PSD4: variants seen among roughly 807,000 people sequenced by gnomAD.
PSD4 encodes the protein pleckstrin and Sec7 domain containing 4, also known as PH and SEC7 domain-containing protein 4.
In PSD4, 59 loss-of-function variants were observed where a neutral mutation model predicts 112.5. The observed-to-expected ratio is 0.52, with a 90% CI of 0.43 to 0.65. The LOEUF (loss-of-function observed/expected upper bound fraction) is 0.65, where lower values mean the gene tolerates loss of function less well. Ranked by LOEUF, PSD4 falls within the 30% of genes least tolerant of loss-of-function variation. PSD4 has a pLI of 0.00. For missense variants in PSD4, 1,267 were observed against 1,352.6 expected (o/e 0.94, Z 0.99); for synonymous variants, 533 against 540.0 (o/e 0.99, Z 0.18).
intron 5 of PSD4, among the ~76,000 whole-genome samples, chr2:113,189,736 G>A (rs1688399710): frequency 6.6e-6 from 1 of 152,122 alleles, no homozygotes; most frequent in Non-Finnish European, 1.5e-5. Flanking sequence ...TTGCAGTGTG[G>A]TTTTGATTTG....
intron 5 of PSD4, among the ~76,000 whole-genome samples, chr2:113,188,718 C>T (rs935102670): frequency 1.7e-4 from 26 of 151,992 alleles, no homozygotes; most frequent in Middle Eastern, 3.4e-3. Context: ...GTAGCTGGGA[C>T]TACAGGCGCC....
chr2:113,192,644 TGCTGAAGG>T, intron 6 of PSD4, 55 bp downstream of exon 6: 2 of 1,570,270 alleles, frequency 1.3e-6, no homozygotes, highest in Non-Finnish European at 1.7e-6. Context: ...AGGGAGGAGC[TGCTGAAGG>T]GCTCCCTCCA....
rs1431992464 is a variant in PSD4, at chr2:113,202,220, C to A, written c.*805C>A. 6.6e-6 allele frequency: 1 copy of A among 152,482 alleles called. No homozygotes were observed. Among genetic ancestry groups the A allele is most frequent in the Non-Finnish European group, 1.5e-5 (1 of 68,262 alleles). The allele number at this position is 152,482 out of a possible 1,614,324, so 9.4% of individuals were successfully genotyped here. A position where few individuals can be genotyped will look rare whatever the true frequency, so the allele number is the denominator to read the frequency against. ...AGAGCTTTGCAGGGAACCCTGGAACCCTAGGAACAAGGAGCCTTTGTTCCA... is the reference window on the plus strand; with the variant it reads ...AGAGCTTTGCAGGGAACCCTGGAACACTAGGAACAAGGAGCCTTTGTTCCA... On this transcript the variant is annotated 3_prime_UTR_variant, in exon 17 of 17. Coordinates refer to ENST00000245796, the MANE Select transcript of PSD4 (RefSeq NM_012455.3).
At chr2:113,197,473 G>C (rs1688643250) in intron 12 of PSD4, 91 bp from the exon 13 acceptor site, 1 of 1,367,856 alleles carries the variant, frequency 7.3e-7, no homozygotes, top group African/African-American at 1.4e-5. Context: ...TGGTGTGAGG[G>C]ACAGGGGGCA....
In PSD4 at chr2:113,197,831, A is replaced by T; in HGVS notation, c.2542A>T (p.Thr848Ser). The change falls in exon 14 of 17, where the codon ACC becomes TCC. Residue 848 changes from threonine (T) to serine (S), a missense_variant. Thr to Ser is a moderately conservative substitution (Grantham distance 58). Coordinates refer to ENST00000245796, the MANE Select transcript of PSD4 (RefSeq NM_012455.3). The part of the protein sequence containing the change: ...EPVGVHHSLA[T>S]PATHYTKKPH... The stretch of plus-strand genomic sequence containing the variant: ...CGTGGGGGTGCACCACTCGCTGGCC[A>T]CCCCCGCCACGCATTACACCAAGAA... The T allele has an allele frequency of 6.3e-7, 1 of 1,596,384 alleles. No individual in the cohort carries two copies. The highest frequency in any genetic ancestry group is 8.5e-7 in the Non-Finnish European group (1 of 1,172,698).
At chr2:113,176,308 G>C (rs1276526608) in intron 1 of PSD4, among the ~76,000 whole-genome samples, 1 of 152,206 alleles carries the variant, frequency 6.6e-6, no homozygotes, top group Non-Finnish European at 1.5e-5. Context: ...CCGGGGGTGG[G>C]GCAGGTGGGA....
chr2:113,177,935 C>T (rs894293233), intron 1 of PSD4, among the ~76,000 whole-genome samples: 2 of 152,108 alleles, frequency 1.3e-5, no homozygotes, highest in Non-Finnish European at 2.9e-5. Flanking sequence ...AAGTCATAGC[C>T]GGCCAGGTGC....
Position 113,196,388 on chromosome 2 carries a change from G to A in PSD4, c.2386+81G>A, listed in dbSNP as rs865902496. On this transcript the variant is annotated intron_variant, in intron 12 of 16. Coordinates refer to ENST00000245796, the MANE Select transcript of PSD4 (RefSeq NM_012455.3). ...GACCTGTGCCGATGCATGCACAGGT[G>A]TGCAGAGAGACAGCCCGCGTTGAGG... The A allele has an allele frequency of 1.5e-5, 22 of 1,472,892 alleles. 1 individual carries two copies. In the Middle Eastern group the frequency reaches 1.7e-3, roughly 116 times the overall value. 91.2% of individuals were successfully genotyped at this position (1,472,892 alleles called of 1,614,324 possible).
intron 1 of PSD4, among the ~76,000 whole-genome samples, chr2:113,175,730 T>C (rs994196282): frequency 1.1e-4 from 17 of 152,278 alleles, no homozygotes; most frequent in African/African-American, 4.1e-4. Flanking sequence ...GGATGAAGGT[T>C]CAGGGCTGAC....
rs1327384425 is a variant in PSD4, at chr2:113,201,670, G to A, written c.*255G>A. 1 of 550,720 alleles carries A rather than the reference G, an allele frequency of 1.8e-6. No homozygotes were observed. Among genetic ancestry groups the A allele is most frequent in the Admixed American group, 3.3e-5 (1 of 30,250 alleles). The allele number at this position is 550,720 out of a possible 1,614,324, so 34.1% of individuals were successfully genotyped here. Reference sequence around the variant, plus strand: ...CCCTGGCCACGCCCAAGGGAAGAGGGAGGTGAGGACTTGACTTTCCTCCCA... The same window carrying A: ...CCCTGGCCACGCCCAAGGGAAGAGGAAGGTGAGGACTTGACTTTCCTCCCA... On this transcript the variant is annotated 3_prime_UTR_variant, in exon 17 of 17. Transcript: ENST00000245796.
Position 113,186,121 on chromosome 2 carries a change from A to T in PSD4, c.1494A>T (p.Glu498Asp). The T allele has an allele frequency of 6.2e-7, 1 of 1,614,234 alleles. No homozygotes were observed. Among genetic ancestry groups the T allele is most frequent in the Non-Finnish European group, 8.5e-7 (1 of 1,180,046 alleles). The change falls in exon 5 of 17, where the codon GAA (glutamate) becomes GAT (aspartate). Residue 498 changes from glutamate to aspartate, a missense_variant. Coordinates refer to ENST00000245796, the MANE Select transcript of PSD4 (RefSeq NM_012455.3). ...CTTCACTCTTGGAGACGGATGGGGA[A>T]CAGCCAAGTTCCTTGAAGAAAAAGG... Reference protein sequence around the residue: ...SQSSLLETDGEQPSSLKKKEA... With the variant: ...SQSSLLETDGDQPSSLKKKEA...
intron 5 of PSD4, among the ~76,000 whole-genome samples, chr2:113,190,212 A>C (rs576366743): frequency 6.6e-6 from 1 of 152,320 alleles, no homozygotes; most frequent in East Asian, 1.9e-4. Flanking sequence ...ATGAGGATCC[A>C]GTGTCATTCT....
Position 113,201,562 on chromosome 2 carries a change from C to A in PSD4, c.*147C>A. On this transcript the variant is annotated 3_prime_UTR_variant, in exon 17 of 17. Transcript: ENST00000245796. ...AAGGACAAACCTTGTTTCCCTGTGG[C>A]CCTCATTCTTGTGCTCCCTGAAGCT... The A allele has an allele frequency of 1.7e-6, 2 of 1,170,414 alleles. No individual in the cohort carries two copies. The highest frequency in any genetic ancestry group is 2.4e-6 in the Non-Finnish European group (2 of 842,184). 72.5% of individuals were successfully genotyped at this position (1,170,414 alleles called of 1,614,324 possible).
Position 113,201,247 on chromosome 2 carries a change from G to C in PSD4, c.3003G>C (p.Gly1001=), listed in dbSNP as rs1274472097. 6.2e-7 allele frequency: 1 copy of C among 1,614,170 alleles called. No homozygotes were observed. Among genetic ancestry groups the C allele is most frequent in the South Asian group, 1.1e-5 (1 of 91,082 alleles). ...TGGACCTGTGGGAGGAGCAGCTGGG[G>C]AGGGAAGCTGGAGGCACTCGGGAGC... ...DALDLWEEQL[G]REAGGTREPK... The change falls in exon 17 of 17, where the codon GGG becomes GGC. Residue 1001 remains glycine (G), a synonymous_variant. Coordinates refer to ENST00000245796, the MANE Select transcript of PSD4 (RefSeq NM_012455.3).
intron 9 of PSD4, 47 bp from the exon 10 acceptor site, chr2:113,193,812 T>G: frequency 3.1e-6 from 5 of 1,592,050 alleles, no homozygotes; most frequent in Non-Finnish European, 4.3e-6. Flanking sequence ...GTTATTCTAT[T>G]GGGATGGGGT....
At chr2:113,174,245 T>C (rs1687904485) in intron 1 of PSD4, among the ~76,000 whole-genome samples, 191 bp downstream of exon 1, 1 of 151,954 alleles carries the variant, frequency 6.6e-6, no homozygotes, top group Non-Finnish European at 1.5e-5. Context: ...CCCTTCCTGC[T>C]CTGTGTCCCG....
At chr2:113,184,845 G>A (rs1161938367) in intron 2 of PSD4, 112 bp from the exon 3 acceptor site, 2 of 1,479,026 alleles carry the variant, frequency 1.4e-6, no homozygotes, top group African/African-American at 1.4e-5. Flanking sequence ...GGCCATCAGG[G>A]CAGACTGTGA....
chr2:113,189,286 T>G (rs1049447151), intron 5 of PSD4, among the ~76,000 whole-genome samples: 1 of 150,760 alleles, frequency 6.6e-6, no homozygotes, highest in African/African-American at 2.4e-5. Context: ...ATATATATAT[T>G]CAATAATATA....
intron 1 of PSD4, among the ~76,000 whole-genome samples, chr2:113,179,437 C>T (rs1304516725): frequency 6.6e-6 from 1 of 152,116 alleles, no homozygotes; most frequent in Admixed American, 6.5e-5. Flanking sequence ...AAAGGGATTC[C>T]AATCCAGACC....
Sources: gnomAD v4.1 joint callset for allele counts (sites outside exome capture counted in the v4.1 genomes callset) on GRCh38, gnomAD v4.1.1 for gene constraint, MANE v1.5 for transcripts, NCBI Gene and HGNC (gene_info 2026-07-23, HGNC 2026-07-21) for gene names.